The following CNGA1 variants were observed in gnomAD, a reference collection of about 807,000 sequenced individuals.
The protein encoded by CNGA1 is cyclic nucleotide-gated channel alpha-1.
Under a neutral mutation model 69.7 loss-of-function variants are expected in CNGA1, and 53 were observed. The ratio of observed to expected loss-of-function variants is 0.76; its 90% confidence interval spans 0.61 to 0.96. CNGA1 has a LOEUF of 0.96. Ranked by LOEUF, CNGA1 falls within the 40% of genes least tolerant of loss-of-function variation. The pLI, the probability that CNGA1 is intolerant of heterozygous loss-of-function variation, is 0.00. For missense variants in CNGA1, 739 were observed against 811.2 expected, an observed-to-expected ratio of 0.91 and a Z score of 1.08; for synonymous variants, 249 against 283.5, an observed-to-expected ratio of 0.88 and a Z score of 1.22.
At chr4:47,979,511 C>G (rs1741590062) in intron 3 of CNGA1, among the ~76,000 whole-genome samples, 1 of 152,136 alleles carries the variant, frequency 6.6e-6, no homozygotes, top group East Asian at 1.9e-4. Context: ...GCTGTAGCAT[C>G]CTATGGATTT....
At chr4:47,947,531 G>A (rs139052100) in intron 6 of CNGA1, among the ~76,000 whole-genome samples, 32 of 152,176 alleles carry the variant, frequency 2.1e-4, no homozygotes, top group Non-Finnish European at 4.0e-4. Context: ...TTAGCCAGGC[G>A]TGGTGGCTCA....
At chr4:48,009,306 A>T (rs976909962) in intron 2 of CNGA1, among the ~76,000 whole-genome samples, 1 of 151,940 alleles carries the variant, frequency 6.6e-6, no homozygotes, top group Non-Finnish European at 1.5e-5. Context: ...CTCTACCAGA[A>T]ATACGAAAAA....
chr4:47,984,851 A>T (rs982430769), intron 2 of CNGA1, among the ~76,000 whole-genome samples: 1 of 152,124 alleles, frequency 6.6e-6, no homozygotes, highest in Non-Finnish European at 1.5e-5. Flanking sequence ...TAAGATCTTC[A>T]GAAAATGACT....
At chr4:47,992,094 G>A (rs1045317341) in intron 2 of CNGA1, among the ~76,000 whole-genome samples, 1 of 152,132 alleles carries the variant, frequency 6.6e-6, no homozygotes. Flanking sequence ...TTGAAATCAG[G>A]TAATGTGATG....
chr4:47,973,696 G>T (rs1741169165), intron 3 of CNGA1, among the ~76,000 whole-genome samples: 1 of 151,206 alleles, frequency 6.6e-6, no homozygotes, highest in Non-Finnish European at 1.5e-5. Flanking sequence ...GTTAACTTCG[G>T]GATGTGTAAA....
chr4:47,972,117 A>T (rs1454213018), intron 3 of CNGA1, among the ~76,000 whole-genome samples: 1 of 152,196 alleles, frequency 6.6e-6, no homozygotes, highest in African/African-American at 2.4e-5. Flanking sequence ...TCTATGCATA[A>T]TTCTGCAACT....
chr4:47,995,176 GA>G (rs1487947021), intron 2 of CNGA1, among the ~76,000 whole-genome samples: 3 of 111,314 alleles, frequency 2.7e-5, no homozygotes, highest in African/African-American at 7.9e-5. Flanking sequence ...TTTTTGTGAT[GA>G]ATTTCCTAGG....
At chr4:47,970,604 A>G (rs1208315246) in intron 3 of CNGA1, among the ~76,000 whole-genome samples, 1 of 151,024 alleles carries the variant, frequency 6.6e-6, no homozygotes, top group Admixed American at 6.6e-5. Context: ...GTGGGCAGAG[A>G]TTGTGCCATT....
intron 3 of CNGA1, among the ~76,000 whole-genome samples, chr4:47,979,308 A>G (rs1741577200): frequency 7.6e-6 from 1 of 131,172 alleles, no homozygotes; most frequent in Non-Finnish European, 1.6e-5. Context: ...GCAACAGAGC[A>G]ACACTCCATC....
intron 2 of CNGA1, among the ~76,000 whole-genome samples, chr4:47,981,857 C>T (rs942414590): frequency 2.6e-5 from 4 of 152,082 alleles, no homozygotes; most frequent in Admixed American, 2.0e-4. Context: ...TTGAAAATAG[C>T]GTCTAGGTTT....
Position 47,940,847 on chromosome 4 carries a change from A to G in CNGA1, c.568T>C (p.Ser190Pro). ...ATGAGCCAATATTCTAGGTAATCAGATTGAAGTTCATCAAAACATGCTCTA... is the reference window on the plus strand; with the variant it reads ...ATGAGCCAATATTCTAGGTAATCAGGTTGAAGTTCATCAAAACATGCTCTA... Reference protein sequence around the residue: ...IARACFDELQSDYLEYWLILD... With the variant: ...IARACFDELQPDYLEYWLILD... The change falls in exon 10 of 11, where the codon TCT (serine) becomes CCT (proline). Residue 190 changes from serine to proline, a missense_variant. Coordinates refer to ENST00000514170, the MANE Select transcript of CNGA1 (RefSeq NM_001379270.1). The G allele has an allele frequency of 6.2e-7, 1 of 1,610,072 alleles. No individual in the cohort carries two copies. The highest frequency in any genetic ancestry group is 8.5e-7 in the Non-Finnish European group (1 of 1,176,748).
At chr4:47,957,352 A>G (rs991239899) in intron 3 of CNGA1, among the ~76,000 whole-genome samples, 19 of 152,166 alleles carry the variant, frequency 1.2e-4, no homozygotes, top group Admixed American at 1.2e-3. Flanking sequence ...TGGTGGCTCA[A>G]ACCTGTAATC....
intron 2 of CNGA1, among the ~76,000 whole-genome samples, chr4:47,982,791 TA>T (rs1015279490): frequency 1.6e-4 from 25 of 152,290 alleles, no homozygotes; most frequent in African/African-American, 6.0e-4. Flanking sequence ...TCCTCTGGTC[TA>T]AAACATTTCA....
chr4:47,943,218 T>C lies in CNGA1; in HGVS notation c.400A>G (p.Lys134Glu), dbSNP rs775436707. The part of the protein sequence containing the change: ...KKKKKKDKEK[K>E]KKEEKSKDKK... The stretch of plus-strand genomic sequence containing the variant: ...TCTTTGCTTTTCTCCTCTTTCTTTT[T>C]CTTCTCTTTGTCCTTTTTCTTCTTT... Residue 134 changes from lysine (K) to glutamate (E), a missense_variant, in exon 8 of 11, where the codon AAA becomes GAA. Lys to Glu is a moderately conservative substitution (Grantham distance 56, BLOSUM62 1). Coordinates refer to ENST00000514170, the MANE Select transcript of CNGA1 (RefSeq NM_001379270.1). The C allele has an allele frequency of 1.9e-6, 3 of 1,607,110 alleles. No individual in the cohort carries two copies. The highest frequency in any genetic ancestry group is 2.5e-6 in the Non-Finnish European group (3 of 1,177,146).
At chr4:47,950,261 A>G (rs1739661921) in intron 5 of CNGA1, among the ~76,000 whole-genome samples, 1 of 152,156 alleles carries the variant, frequency 6.6e-6, no homozygotes, top group Non-Finnish European at 1.5e-5. Flanking sequence ...TTCTCGTGCT[A>G]GTAAATAAGT....
intron 9 of CNGA1, among the ~76,000 whole-genome samples, chr4:47,941,330 A>T (rs185069271): frequency 7.7e-4 from 118 of 152,332 alleles, no homozygotes; most frequent in African/African-American, 2.7e-3. Flanking sequence ...TAAATAAATT[A>T]AAAAAATAAA....
Position 47,943,180 on chromosome 4 carries a change from C to G in CNGA1, c.437+1G>C. On this transcript the variant is annotated splice_donor_variant, in intron 8 of 10. Coordinates refer to ENST00000514170, the MANE Select transcript of CNGA1 (RefSeq NM_001379270.1). LOFTEE classifies it high-confidence loss of function. ...ATTTCAATGCCACTAAAAGTGCTTA[C>G]TCTTCTTTCTTATCTTTGCTTTTCT... The G allele has an allele frequency of 2.5e-6, 4 of 1,591,262 alleles. No homozygotes were observed. The highest frequency in any genetic ancestry group is 3.4e-6 in the Non-Finnish European group (4 of 1,162,136).
chr4:47,939,763 G>T (rs925754475), intron 10 of CNGA1, among the ~76,000 whole-genome samples: 4 of 152,214 alleles, frequency 2.6e-5, no homozygotes, highest in Admixed American at 2.0e-4. Flanking sequence ...GTGTTGTATT[G>T]AGAGCATAGT....
chr4:47,937,065 C>G lies in CNGA1; in HGVS notation c.1417G>C (p.Val473Leu). ...GCTTCACAATCAGCAAAAATGCGTA[C>G]CTTTTTTAATGTGTCTAAGTGAACG... ...INVHLDTLKK[V>L]RIFADCEAGL... The change falls in exon 11 of 11, where the codon GTA becomes CTA. Residue 473 changes from valine (V) to leucine (L), a missense_variant. Coordinates refer to ENST00000514170, the MANE Select transcript of CNGA1 (RefSeq NM_001379270.1). 1.2e-6 allele frequency: 2 copies of G among 1,614,198 alleles called. No homozygotes were observed. The highest frequency in any genetic ancestry group is 2.2e-5 in the South Asian group (2 of 91,082).
Sources: allele counts gnomAD v4.1 joint callset (sites outside exome capture counted in the v4.1 genomes callset), GRCh38; gene constraint gnomAD v4.1.1; transcripts MANE v1.5; gene names NCBI Gene and HGNC (gene_info 2026-07-23, HGNC 2026-07-21).